Variants in LRRC7 observed in about 807,000 individuals in gnomAD.
LRRC7 encodes the protein leucine rich repeat containing 7, also known as leucine-rich repeat-containing protein 7.
Under a neutral mutation model 175.7 loss-of-function variants are expected in LRRC7, and 23 were observed. The ratio of observed to expected loss-of-function variants is 0.13; its 90% CI spans 0.09 to 0.19. The LOEUF (loss-of-function observed/expected upper bound fraction) is 0.19, where lower values mean the gene tolerates loss of function less well. LRRC7 is among the 10% of genes least tolerant of loss of function. The pLI, the probability that LRRC7 is intolerant of heterozygous loss-of-function variation, is 1.00. For missense variants in LRRC7, 1,354 were observed against 1,904.7 expected, an observed-to-expected ratio of 0.71 and a Z score of 5.38; for synonymous variants, 685 against 680.9, an observed-to-expected ratio of 1.01 and a Z score of -0.09.
intron 7 of LRRC7, among the ~76,000 whole-genome samples, chr1:69,916,856 G>A (rs1327861044): frequency 2.0e-5 from 3 of 152,050 alleles, no homozygotes; most frequent in African/African-American, 4.8e-5. Flanking sequence ...GATATTTTCA[G>A]TGGTGTTAAT....
At chr1:69,984,700 A>C (rs532084336) in intron 9 of LRRC7, among the ~76,000 whole-genome samples, 1 of 151,932 alleles carries the variant, frequency 6.6e-6, no homozygotes, top group Non-Finnish European at 1.5e-5. Flanking sequence ...CTTCATCCTC[A>C]CTTCTGTTGC....
chr1:69,596,010 T>C, intron 1 of LRRC7, among the ~76,000 whole-genome samples: 1 of 152,048 alleles, frequency 6.6e-6, no homozygotes, highest in Non-Finnish European at 1.5e-5. Flanking sequence ...AGAATTTAAT[T>C]ACTTTTTAAG....
At chr1:69,858,156 C>A (rs1387106443) in intron 7 of LRRC7, among the ~76,000 whole-genome samples, 2 of 152,126 alleles carry the variant, frequency 1.3e-5, no homozygotes, top group African/African-American at 2.4e-5. Context: ...ACCATAAAAA[C>A]CCTAGAAGAA....
intron 2 of LRRC7, among the ~76,000 whole-genome samples, chr1:69,699,565 G>T (rs936020133): frequency 6.6e-6 from 1 of 152,082 alleles, no homozygotes; most frequent in Admixed American, 6.6e-5. Context: ...TCCCTTCAGT[G>T]GCAGAACTTC....
In LRRC7 at chr1:70,093,102, C is replaced by T. The variant is rs555436838; in HGVS notation, c.4545+3283C>T. 1.5e-3 allele frequency among the ~76,000 whole-genome samples: 226 copies of T among 152,208 alleles called. 2 individuals are homozygous for T. The highest frequency in any genetic ancestry group is 3.4e-3 in the Admixed American group (52 of 15,280). On this transcript the variant is annotated intron_variant, in intron 25 of 26. Coordinates refer to ENST00000651989, the MANE Select transcript of LRRC7 (RefSeq NM_001370785.2). ...CTTGGAAAGAGAAAGCAGTAGAACA[C>T]TGGATGGAAATTAGTTGCCTCTGTC...
chr1:69,743,081 G>A (rs955208550), intron 2 of LRRC7, among the ~76,000 whole-genome samples: 3 of 151,994 alleles, frequency 2.0e-5, no homozygotes, highest in African/African-American at 7.2e-5. Context: ...GTATGAATAT[G>A]CTTGGACTTT....
At chr1:69,887,902 T>TG (rs574425633) in intron 7 of LRRC7, among the ~76,000 whole-genome samples, 4 of 146,728 alleles carry the variant, frequency 2.7e-5, no homozygotes, top group Admixed American at 6.8e-5. Context: ...GTGCCCCTGC[T>TG]GGGGGGTGCC....
At chr1:70,095,779 A>G (rs1664342202) in intron 25 of LRRC7, among the ~76,000 whole-genome samples, 1 of 152,212 alleles carries the variant, frequency 6.6e-6, no homozygotes, top group Admixed American at 6.5e-5. Flanking sequence ...AAATAAATGC[A>G]TATATGTGTA....
chr1:69,792,513 C>G (rs1002176296), intron 4 of LRRC7, among the ~76,000 whole-genome samples: 1 of 152,010 alleles, frequency 6.6e-6, no homozygotes, highest in Non-Finnish European at 1.5e-5. Flanking sequence ...CAAGGCCTAC[C>G]TGTTCACCCT....
intron 4 of LRRC7, among the ~76,000 whole-genome samples, chr1:69,809,570 A>T (rs1677564111): frequency 6.6e-6 from 1 of 152,134 alleles, no homozygotes; most frequent in African/African-American, 2.4e-5. Context: ...TAAAAAGCTT[A>T]TCCACACCAT....
intron 2 of LRRC7, chr1:69,716,256 G>A (rs751771412): frequency 2.3e-6 from 1 of 444,336 alleles, no homozygotes; most frequent in Non-Finnish European, 4.1e-6. Flanking sequence ...TAAGTATATA[G>A]AATTCAGTAG....
intron 7 of LRRC7, among the ~76,000 whole-genome samples, chr1:69,841,702 G>A (rs1456389980): frequency 1.3e-5 from 2 of 152,078 alleles, no homozygotes; most frequent in Non-Finnish European, 2.9e-5. Context: ...CAGTATGAGT[G>A]CCATTAATGA....
rs1244270667 is a variant in LRRC7 at position 70,136,858 on chromosome 1, T to C, written c.*14971T>C. Among the ~76,000 whole-genome samples the C allele has an allele frequency of 6.6e-6, 1 of 151,250 alleles. No individual in the cohort carries two copies. The highest frequency in any genetic ancestry group is 1.5e-5 in the Non-Finnish European group (1 of 67,876). On this transcript the variant is annotated 3_prime_UTR_variant, in exon 27 of 27. Transcript: ENST00000651989. ...GATCCACCTCAGCCTCCTGAGTAGC[T>C]GGGACTATAGGCATGCACCACCACT...
At chr1:70,038,060 C>A in intron 20 of LRRC7, 53 bp from the exon 21 acceptor site, 1 of 1,532,800 alleles carries the variant, frequency 6.5e-7, no homozygotes, top group South Asian at 1.3e-5. Flanking sequence ...CTCTTTCTGC[C>A]AAAGACCCAA....
At chr1:69,604,112 T>C (rs939077083) in intron 1 of LRRC7, among the ~76,000 whole-genome samples, 6 of 152,152 alleles carry the variant, frequency 3.9e-5, no homozygotes, top group Non-Finnish European at 5.9e-5. Flanking sequence ...AAATGATTTG[T>C]ATGCTTTGGA....
chr1:69,835,355 T>C (rs1296408640), intron 6 of LRRC7, among the ~76,000 whole-genome samples: 1 of 151,838 alleles, frequency 6.6e-6, no homozygotes, highest in Non-Finnish European at 1.5e-5. Context: ...AACATAGAAT[T>C]CTTACATATA....
In LRRC7 at chr1:70,143,344, T is replaced by G. The variant is rs182780746; in HGVS notation, c.*21457T>G. 1 of 152,286 alleles carries G rather than the reference T, an allele frequency of 6.6e-6. No homozygotes were observed. Among genetic ancestry groups the G allele is most frequent in the East Asian group, 1.9e-4 (1 of 5,186 alleles). 9.4% of individuals were successfully genotyped at this position (152,286 alleles called of 1,614,324 possible). On this transcript the variant is annotated 3_prime_UTR_variant, in exon 27 of 27. Transcript: ENST00000651989. ...ATTTCAAAGAAATCCCATTATATTA[T>G]CAAGTCGTTTTCAAATTTACAATAT...
intron 2 of LRRC7, among the ~76,000 whole-genome samples, chr1:69,753,164 C>T (rs1029975509): frequency 2.0e-5 from 3 of 151,988 alleles, no homozygotes; most frequent in Non-Finnish European, 4.4e-5. Context: ...TCCATTCCAC[C>T]ATATTGTATG....
At chr1:69,788,949 C>T (rs1012947451) in intron 3 of LRRC7, among the ~76,000 whole-genome samples, 16 of 152,116 alleles carry the variant, frequency 1.1e-4, no homozygotes, top group African/African-American at 1.9e-4. Context: ...GTTGTTTCCC[C>T]GCACTTAGCA....
Sources: allele counts gnomAD v4.1 joint callset (sites outside exome capture counted in the v4.1 genomes callset), GRCh38; gene constraint gnomAD v4.1.1; transcripts MANE v1.5; gene names NCBI Gene and HGNC (gene_info 2026-07-23, HGNC 2026-07-21).